The following RASA3 variants were observed in gnomAD, a reference collection of about 807,000 sequenced individuals.
RASA3 encodes RAS p21 protein activator 3.
RASA3 carries 73 observed loss-of-function variants against 110.0 expected under a neutral mutation model. The observed-to-expected ratio is 0.66, with a 90% confidence interval of 0.55 to 0.81. The LOEUF (loss-of-function observed/expected upper bound fraction) is 0.81. Among genes scored for constraint, RASA3 ranks in the 30% least tolerant of loss-of-function variants. RASA3 has a pLI of 0.00. For missense variants in RASA3, 976 were observed against 1,113.2 expected, an observed-to-expected ratio of 0.88 and a Z score of 1.75; for synonymous variants, 500 against 451.4, an observed-to-expected ratio of 1.11 and a Z score of -1.37.
intron 3 of RASA3, among the ~76,000 whole-genome samples, chr13:114,047,325 C>T (rs1236678318): frequency 6.6e-6 from 1 of 152,220 alleles, no homozygotes; most frequent in Non-Finnish European, 1.5e-5. Flanking sequence ...TTCACGGACA[C>T]GCAATAAAAG....
chr13:114,004,121 T>TA (rs1332541349), intron 18 of RASA3, among the ~76,000 whole-genome samples: 1 of 152,202 alleles, frequency 6.6e-6, no homozygotes, highest in Admixed American at 6.5e-5. Flanking sequence ...AAAATAGCAA[T>TA]GTAAGTAATG....
chr13:114,017,417 C>CCGGAAG lies in RASA3; in HGVS notation c.1092-67_1092-66insCTTCCG. The CCGGAAG allele has an allele frequency of 3.1e-6, 4 of 1,296,660 alleles. No homozygotes were observed. The South Asian group carries it at 5.4e-5, about 18-fold the overall frequency. The allele number at this position is 1,296,660 out of a possible 1,614,324, so 80.3% of individuals were successfully genotyped here. A position where few individuals can be genotyped will look rare whatever the true frequency, so the allele number is the denominator to read the frequency against. On this transcript the variant is annotated intron_variant, in intron 11 of 23. Transcript: ENST00000334062. ...CGCGGAAGTGCAGACGGAGCAGAGC[C>CCGGAAG]TGGCCCCGAGCACCTGCCTGTGGGC...
At chr13:114,013,014 T>C in intron 15 of RASA3, 128 bp downstream of exon 15, 1 of 688,102 alleles carries the variant, frequency 1.5e-6, no homozygotes, top group Non-Finnish European at 2.4e-6. Flanking sequence ...TCACTCCTGA[T>C]TCCTCACACA....
intron 1 of RASA3, among the ~76,000 whole-genome samples, chr13:114,098,159 A>G (rs1333509420): frequency 6.6e-6 from 1 of 152,164 alleles, no homozygotes; most frequent in Non-Finnish European, 1.5e-5. Context: ...GCACCTGGCT[A>G]AAGACACAGC....
intron 1 of RASA3, among the ~76,000 whole-genome samples, chr13:114,080,006 G>A (rs889962984): frequency 2.0e-5 from 3 of 152,228 alleles, no homozygotes; most frequent in Non-Finnish European, 2.9e-5. Flanking sequence ...GTGCCTTCCC[G>A]AAGGGCCTGC....
In RASA3 at chr13:114,013,260, A is replaced by C; in HGVS notation, c.1406-12T>G. The C allele has an allele frequency of 6.2e-7, 1 of 1,602,098 alleles. No homozygotes were observed. Among genetic ancestry groups the C allele is most frequent in the South Asian group, 1.1e-5 (1 of 89,374 alleles). On this transcript the variant is annotated splice_polypyrimidine_tract_variant and intron_variant, in intron 14 of 23. Coordinates refer to ENST00000334062, the MANE Select transcript of RASA3 (RefSeq NM_007368.4). ...GACGTCCGGGTCATCTGCGGGAGAG[A>C]GAAGCAGGGTGACCGTTTTCCTCGG... is the stretch of plus-strand genomic sequence containing the variant.
At chr13:114,022,820 G>T (rs2053953963) in intron 8 of RASA3, among the ~76,000 whole-genome samples, 1 of 152,190 alleles carries the variant, frequency 6.6e-6, no homozygotes, top group South Asian at 2.1e-4. Flanking sequence ...TCAAAACTTG[G>T]TGTAAAAAGA....
At chr13:114,082,594 A>G (rs1269933990) in intron 1 of RASA3, among the ~76,000 whole-genome samples, 1 of 152,210 alleles carries the variant, frequency 6.6e-6, no homozygotes, top group Non-Finnish European at 1.5e-5. Context: ...GCACTGAGAT[A>G]AAACCATGAA....
intron 14 of RASA3, among the ~76,000 whole-genome samples, 166 bp from the exon 15 acceptor site, chr13:114,013,414 T>TCTCC (rs1222927555): frequency 1.5e-4 from 22 of 151,368 alleles, no homozygotes; most frequent in South Asian, 6.3e-4. Context: ...TCTCTCCCTC[T>TCTCC]CTCTGTTTCC....
intron 3 of RASA3, among the ~76,000 whole-genome samples, chr13:114,049,618 G>A (rs565974302): frequency 3.9e-5 from 6 of 152,374 alleles, no homozygotes; most frequent in Non-Finnish European, 2.9e-5. Flanking sequence ...GAGTATAAAC[G>A]GAGCTGGTGA....
At chr13:114,039,486 G>A (rs925091626) in intron 4 of RASA3, among the ~76,000 whole-genome samples, 1 of 152,124 alleles carries the variant, frequency 6.6e-6, no homozygotes, top group African/African-American at 2.4e-5. Flanking sequence ...GGTGTCCCAG[G>A]GACCCTGTGC....
chr13:114,043,656 GA>G (rs1360890986), intron 3 of RASA3, among the ~76,000 whole-genome samples: 1 of 152,084 alleles, frequency 6.6e-6, no homozygotes, highest in Non-Finnish European at 1.5e-5. Flanking sequence ...GCCAAATCAA[GA>G]ACCAAGGGGG....
rs371534380 is a variant in RASA3 at position 114,029,803 on chromosome 13, T to C, written c.449+8A>G. ...GTGCGCTCGGTCTCTAGTGAGGACG[T>C]GTCTTACCGTGTGGCGAGCTTGTGG... On this transcript the variant is annotated splice_region_variant and intron_variant, in intron 5 of 23. Coordinates refer to ENST00000334062, the MANE Select transcript of RASA3 (RefSeq NM_007368.4). 59 of 1,589,742 alleles carry C rather than the reference T, an allele frequency of 3.7e-5. No homozygotes were observed. The highest frequency in any genetic ancestry group is 5.0e-5 in the Non-Finnish European group (58 of 1,168,562).
In RASA3 at chr13:114,032,423, C is replaced by T. The variant is rs1056204752; in HGVS notation, c.373-2536G>A. On this transcript the variant is annotated intron_variant, in intron 4 of 23. Coordinates refer to ENST00000334062, the MANE Select transcript of RASA3 (RefSeq NM_007368.4). Reference sequence around the variant, plus strand: ...TGCCTTCTCAGGTCAAACTGACATACGGCCTCCATGTACTGATTTATGACT... The same window carrying T: ...TGCCTTCTCAGGTCAAACTGACATATGGCCTCCATGTACTGATTTATGACT... Among the ~76,000 whole-genome samples, 3 of 152,294 alleles carry T rather than the reference C, an allele frequency of 2.0e-5. No individual in the cohort carries two copies. In the South Asian group the frequency reaches 6.2e-4, roughly 32 times the overall value.
chr13:114,021,320 C>T, intron 9 of RASA3, 84 bp downstream of exon 9: 1 of 1,223,810 alleles, frequency 8.2e-7, no homozygotes, highest in Non-Finnish European at 1.2e-6. Flanking sequence ...GCACATGTGG[C>T]CTCTGTGCCT....
At chr13:114,080,023 G>C (rs1267040633) in intron 1 of RASA3, among the ~76,000 whole-genome samples, 2 of 152,248 alleles carry the variant, frequency 1.3e-5, no homozygotes, top group African/African-American at 2.4e-5. Flanking sequence ...CTGCGAAGCT[G>C]CCAGAAATAG....
Position 114,115,666 on chromosome 13 carries a change from G to T in RASA3, c.55+16769C>A, listed in dbSNP as rs2080266709. ...CCTCTCATAACACACAGCCTCCTGT[G>T]TATGTTTTTACCCTACAAACGCTCT... On this transcript the variant is annotated intron_variant, in intron 1 of 23. Transcript: ENST00000334062. The surrounding 1 kb of genome is among the most constrained non-coding windows in gnomAD (Gnocchi z 5.0). Among the ~76,000 whole-genome samples the T allele has an allele frequency of 6.6e-6, 1 of 152,078 alleles. No homozygotes were observed. The highest frequency in any genetic ancestry group is 1.5e-5 in the Non-Finnish European group (1 of 68,028).
chr13:114,029,738 AC>A (rs1469153057), intron 5 of RASA3, 72 bp downstream of exon 5: 39 of 1,399,130 alleles, frequency 2.8e-5, no homozygotes, highest in Non-Finnish European at 3.7e-5. Flanking sequence ...TGGTGTGAAA[AC>A]CCCTGTGTGC....
chr13:114,038,245 C>T (rs1398330180), intron 4 of RASA3, among the ~76,000 whole-genome samples: 2 of 152,238 alleles, frequency 1.3e-5, no homozygotes, highest in African/African-American at 2.4e-5. Context: ...GGGAACTCGC[C>T]GACACGCAGG....
Sources: gnomAD v4.1 joint callset for allele counts (sites outside exome capture counted in the v4.1 genomes callset) on GRCh38, gnomAD v4.1.1 for gene constraint, Gnocchi (gnomAD v3.1) non-coding constraint, MANE v1.5 for transcripts, NCBI Gene and HGNC (gene_info 2026-07-23, HGNC 2026-07-21) for gene names.